The following PPP6R2 variants were observed in gnomAD, a reference collection of about 807,000 sequenced individuals.
PPP6R2 encodes protein phosphatase 6 regulatory subunit 2.
PPP6R2 carries 62 observed loss-of-function variants against 100.2 expected under a neutral mutation model. The observed-to-expected ratio is 0.62, with a 90% CI of 0.50 to 0.76. The LOEUF is 0.76. PPP6R2 is among the 30% of genes least tolerant of loss of function. The probability of loss-of-function intolerance (pLI) is 0.00; values close to 1 mark genes in which losing one functional copy is unlikely to be tolerated. For synonymous variants in PPP6R2, 525 were observed against 514.7 expected, an observed-to-expected ratio of 1.02 and a Z score of -0.27; for missense variants, 1,142 against 1,276.3, an observed-to-expected ratio of 0.89 and a Z score of 1.60.
At position 50,401,542 on chromosome 22, in the gene PPP6R2, C is replaced by T. The variant is rs544504879; in HGVS notation, c.228-5147C>T. On this transcript the variant is annotated intron_variant, in intron 3 of 23. Transcript: ENST00000612753. The stretch of plus-strand genomic sequence containing the variant: ...TTTTTTTCTGAGACAGAGTCTGTCT[C>T]GCTCTGTCGCCCAGGCTGGAGTACA... 1.1e-4 allele frequency among the ~76,000 whole-genome samples: 14 copies of T among 129,800 alleles called. No individual in the cohort carries two copies. In the South Asian group the frequency reaches 1.9e-3, roughly 17 times the overall value. The allele number at this position is 129,800 out of a possible 152,430, so 85.2% of individuals were successfully genotyped here.
At chr22:50,415,725 AG>A (rs2060443820) in intron 5 of PPP6R2, among the ~76,000 whole-genome samples, 1 of 152,236 alleles carries the variant, frequency 6.6e-6, no homozygotes, top group African/African-American at 2.4e-5. Context: ...CAACATGGGA[AG>A]GCCCCAGTGC....
chr22:50,386,971 C>T (rs1396694301), intron 2 of PPP6R2, among the ~76,000 whole-genome samples: 1 of 152,190 alleles, frequency 6.6e-6, no homozygotes, highest in East Asian at 1.9e-4. Context: ...CAGGCCCTCT[C>T]TTCCTATCTG....
chr22:50,347,967 CACTT>C (rs1338681308), intron 1 of PPP6R2, among the ~76,000 whole-genome samples: 1 of 152,146 alleles, frequency 6.6e-6, no homozygotes, highest in Non-Finnish European at 1.5e-5. Context: ...TTTTCTAACT[CACTT>C]CAGTTAATCT....
rs142508420 is a variant in PPP6R2, at chr22:50,419,487, G to T, written c.845+25G>T. ...GGTGAGTCTCACGAGGAGAAATCGT[G>T]TAGAGCTGAACTTGACGCCTCAGTG... is the stretch of plus-strand genomic sequence containing the variant. On this transcript the variant is annotated intron_variant, in intron 8 of 23. Coordinates refer to ENST00000612753, the MANE Select transcript of PPP6R2 (RefSeq NM_001242898.2). The T allele has an allele frequency of 3.2e-6, 5 of 1,551,036 alleles. No homozygotes were observed. The South Asian group carries it at 5.6e-5, about 17-fold the overall frequency.
At chr22:50,421,033 G>A (rs1007529190) in intron 8 of PPP6R2, among the ~76,000 whole-genome samples, 1 of 152,176 alleles carries the variant, frequency 6.6e-6, no homozygotes, top group Non-Finnish European at 1.5e-5. Flanking sequence ...GGAACAATGA[G>A]AAAATGATAA....
Position 50,422,283 on chromosome 22 carries a change from A to G in PPP6R2, c.875A>G (p.Gln292Arg), listed in dbSNP as rs2061440676. Residue 292 changes from glutamine (Q) to arginine (R), a missense_variant, in exon 9 of 24, where the codon CAG becomes CGG. By Grantham distance (43) the Gln-to-Arg change is conservative (BLOSUM62 1). This residue lies in a region of PPP6R2 where 592 missense variants were observed against 758.9 expected (regional missense o/e 0.78). Transcript: ENST00000612753. ...GAGGGCTTGGTGGACTCCTTTTCTC[A>G]GGGACTGGAAAGGTCATACGCTGTC... Reference protein sequence around the residue: ...GTEGLVDSFSQGLERSYAVSS... With the variant: ...GTEGLVDSFSRGLERSYAVSS... The G allele has an allele frequency of 1.2e-6, 2 of 1,613,786 alleles. No homozygotes were observed. The highest frequency in any genetic ancestry group is 2.2e-5 in the East Asian group (1 of 44,878).
rs1261333349 is a variant in PPP6R2, at chr22:50,425,632, CT to C, written c.1125+2021del. On this transcript the variant is annotated intron_variant, in intron 10 of 23. Coordinates refer to ENST00000612753, the MANE Select transcript of PPP6R2 (RefSeq NM_001242898.2). ...TATCTTCCTGTCAACAAAGTCTCCC[CT>C]TTCTCCTCATCCTCCCCCTCATCCC... Among the ~76,000 whole-genome samples, 3 of 152,176 alleles carry C rather than the reference CT, an allele frequency of 2.0e-5. No homozygotes were observed. The East Asian group carries it at 5.8e-4, about 29-fold the overall frequency.
Position 50,419,458 on chromosome 22 carries a change from G to A in PPP6R2, c.841G>A (p.Val281Ile). ...ACTCACCTTGCTGGAAACCAGGCGGGTTGGGTGAGTCTCACGAGGAGAAAT... is the reference window on the plus strand; with the variant it reads ...ACTCACCTTGCTGGAAACCAGGCGGATTGGGTGAGTCTCACGAGGAGAAAT... ...VLLTLLETRR[V>I]GTEGLVDSFS... The change falls in exon 8 of 24, where the codon GTT becomes ATT. Residue 281 changes from valine (V) to isoleucine (I), a missense_variant. Physicochemically the swap from Val to Ile is conservative, Grantham distance 29. This residue lies in a region of PPP6R2 where 592 missense variants were observed against 758.9 expected (regional missense o/e 0.78). Transcript: ENST00000612753. 1 of 1,613,196 alleles carries A rather than the reference G, an allele frequency of 6.2e-7. No homozygotes were observed. Among genetic ancestry groups the A allele is most frequent in the East Asian group, 2.2e-5 (1 of 44,882 alleles).
rs1287168041 is a variant in PPP6R2 at position 50,432,281 on chromosome 22, G to T, written c.1352G>T (p.Cys451Phe). The change falls in exon 12 of 24, where the codon TGC becomes TTC. Residue 451 changes from cysteine to phenylalanine, a missense_variant. Physicochemically the swap from Cys to Phe is radical, Grantham distance 205. Around this residue, in one of 2 missense-constraint regions of PPP6R2, gnomAD observed 592 missense variants for 758.9 expected, o/e 0.78. Transcript: ENST00000612753. ...GCCCCCCAGCTGTTCCAGAAGTGCTGCCTGGTGCAGAGGATCCTGGAGGCC... is the reference window on the plus strand; with the variant it reads ...GCCCCCCAGCTGTTCCAGAAGTGCTTCCTGGTGCAGAGGATCCTGGAGGCC... ...TMVTHLFQKC[C>F]LVQRILEAWE... 4 of 1,550,008 alleles carry T rather than the reference G, an allele frequency of 2.6e-6. No homozygotes were observed. The highest frequency in any genetic ancestry group is 3.5e-6 in the Non-Finnish European group (4 of 1,147,170).
intron 2 of PPP6R2, among the ~76,000 whole-genome samples, chr22:50,376,787 C>A (rs1049632225): frequency 3.3e-5 from 5 of 152,104 alleles, no homozygotes; most frequent in Admixed American, 2.0e-4. Context: ...CGCCTGTAAT[C>A]CCAGCAGTTT....
chr22:50,389,554 T>G (rs2054976413), intron 2 of PPP6R2, among the ~76,000 whole-genome samples: 2 of 130,100 alleles, frequency 1.5e-5, no homozygotes, highest in Non-Finnish European at 3.1e-5. Context: ...TGATCTTTTT[T>G]TGTTTTTTTT....
Position 50,419,459 on chromosome 22 carries a change from T to C in PPP6R2, c.842T>C (p.Val281Ala). 1 of 1,612,964 alleles carries C rather than the reference T, an allele frequency of 6.2e-7. No homozygotes were observed. The highest frequency in any genetic ancestry group is 8.5e-7 in the Non-Finnish European group (1 of 1,179,096). Reference protein sequence around the residue: ...VLLTLLETRRVGTEGLVDSFS... With the variant: ...VLLTLLETRRAGTEGLVDSFS... ...CTCACCTTGCTGGAAACCAGGCGGGTTGGGTGAGTCTCACGAGGAGAAATC... is the reference window on the plus strand; with the variant it reads ...CTCACCTTGCTGGAAACCAGGCGGGCTGGGTGAGTCTCACGAGGAGAAATC... The change falls in exon 8 of 24, where the codon GTT becomes GCT. Residue 281 changes from valine to alanine, a missense_variant. By Grantham distance (64) the Val-to-Ala change is moderately conservative. This residue lies in a region of PPP6R2 where 592 missense variants were observed against 758.9 expected (regional missense o/e 0.78). Transcript: ENST00000612753.
rs2064625143 is a variant in PPP6R2 at position 50,437,578 on chromosome 22, T to C, written c.1756T>C (p.Phe586Leu). The C allele has an allele frequency of 1.9e-6, 3 of 1,583,924 alleles. No individual in the cohort carries two copies. The highest frequency in any genetic ancestry group is 2.2e-5 in the South Asian group (2 of 90,586). Reference protein sequence around the residue: ...VDQFGFNDEEFADQDDNINAP... With the variant: ...VDQFGFNDEELADQDDNINAP... Reference sequence around the variant, plus strand: ...TCAGTTTGGCTTCAATGATGAGGAGTTTGCCGACCAGGACGACAACATCAA... The same window carrying C: ...TCAGTTTGGCTTCAATGATGAGGAGCTTGCCGACCAGGACGACAACATCAA... Residue 586 changes from phenylalanine (F) to leucine (L), a missense_variant, in exon 16 of 24, where the codon TTT becomes CTT. Around this residue, in one of 2 missense-constraint regions of PPP6R2, gnomAD observed 550 missense variants for 517.4 expected, o/e 1.06. Coordinates refer to ENST00000612753, the MANE Select transcript of PPP6R2 (RefSeq NM_001242898.2).
chr22:50,364,263 G>C (rs1179887039), intron 1 of PPP6R2, among the ~76,000 whole-genome samples: 4 of 152,128 alleles, frequency 2.6e-5, no homozygotes, highest in Non-Finnish European at 5.9e-5. Context: ...GTATAAATGG[G>C]AACTTGGTAT....
chr22:50,430,278 C>T (rs2062890631), intron 10 of PPP6R2, among the ~76,000 whole-genome samples: 1 of 152,214 alleles, frequency 6.6e-6, no homozygotes. Flanking sequence ...AGTCTGGGCT[C>T]CCTTGGGGAG....
upstream of PPP6R2, among the ~76,000 whole-genome samples, chr22:50,339,783 T>TGCGTG (rs2042349498): frequency 9.7e-6 from 1 of 103,536 alleles, no homozygotes; most frequent in East Asian, 3.0e-4. Context: ...ATGTGGTGTG[T>TGCGTG]GTGTGGTGTG....
At chr22:50,429,411 G>A (rs1230264372) in intron 10 of PPP6R2, among the ~76,000 whole-genome samples, 1 of 152,196 alleles carries the variant, frequency 6.6e-6, no homozygotes, top group East Asian at 1.9e-4. Flanking sequence ...TTAATGTGGT[G>A]TATTGATTGA....
At chr22:50,365,068 AC>A (rs1378164521) in intron 1 of PPP6R2, among the ~76,000 whole-genome samples, 14 of 141,602 alleles carry the variant, frequency 9.9e-5, no homozygotes, top group African/African-American at 3.6e-4. Flanking sequence ...CATATGAGAT[AC>A]TTTTTTTTTT....
chr22:50,409,851 C>T (rs1446412691), intron 4 of PPP6R2, among the ~76,000 whole-genome samples: 1 of 152,106 alleles, frequency 6.6e-6, no homozygotes, highest in Non-Finnish European at 1.5e-5. Context: ...CTCAGTCTCC[C>T]AAGTAGCTGG....
Sources: gnomAD v4.1 joint callset for allele counts (sites outside exome capture counted in the v4.1 genomes callset) on GRCh38, gnomAD v4.1.1 for gene constraint, gnomAD v4.1.1 regional missense constraint, MANE v1.5 for transcripts, NCBI Gene and HGNC (gene_info 2026-07-23, HGNC 2026-07-21) for gene names.